TSHR: variants seen among roughly 807,000 people sequenced by gnomAD.
TSHR encodes the protein thyrotropin receptor.
In TSHR, 51 loss-of-function variants were observed where a neutral mutation model predicts 64.1. The observed-to-expected ratio is 0.80, with a 90% CI of 0.64 to 1.01. TSHR has a LOEUF of 1.01. Ranked by LOEUF, TSHR falls within the 50% of genes least tolerant of loss-of-function variation. The probability of loss-of-function intolerance (pLI) is 0.00; values close to 1 mark genes in which losing one functional copy is unlikely to be tolerated. For missense variants in TSHR, 877 were observed against 942.8 expected (o/e 0.93, Z 0.91); for synonymous variants, 361 against 361.9 (o/e 1.00, Z 0.03).
At chr14:80,996,338 C>T (rs1414372418) in intron 1 of TSHR, among the ~76,000 whole-genome samples, 1 of 152,058 alleles carries the variant, frequency 6.6e-6, no homozygotes, top group Non-Finnish European at 1.5e-5. Flanking sequence ...TTTGGATTAC[C>T]TTTAAATGAG....
At chr14:80,978,094 A>AACACACACACAC (rs60697218) in intron 1 of TSHR, among the ~76,000 whole-genome samples, 1 of 146,386 alleles carries the variant, frequency 6.8e-6, no homozygotes, top group Non-Finnish European at 1.5e-5. Context: ...ACATCCCTCC[A>AACACACACACAC]ACACACACAC....
At chr14:80,977,812 G>C (rs947642256) in intron 1 of TSHR, among the ~76,000 whole-genome samples, 16 of 152,148 alleles carry the variant, frequency 1.1e-4, no homozygotes, top group African/African-American at 3.6e-4. Context: ...TCAATTCAAT[G>C]AATAAATCAC....
rs188407525 is a variant in TSHR at position 80,964,628 on chromosome 14, A to G, written c.170+8778A>G. On this transcript the variant is annotated intron_variant, in intron 1 of 9. Transcript: ENST00000298171. ...TCTTAGGAATCTGTGGTTGTGTGAA[A>G]ATTTGTCCCCATCAGTGCATTTCTG... Among the ~76,000 whole-genome samples, 83 of 152,246 alleles carry G rather than the reference A, an allele frequency of 5.5e-4. 1 individual carries two copies. The highest frequency in any genetic ancestry group is 1.5e-3 in the Admixed American group (23 of 15,286).
chr14:81,073,018 ATAAATATAT>A lies in TSHR; in HGVS notation c.317+4691_317+4699del, dbSNP rs1458300737. 6.1e-5 allele frequency among the ~76,000 whole-genome samples: 3 copies of A among 49,578 alleles called. 1 individual carries two copies. The highest frequency in any genetic ancestry group is 1.0e-4 in the Non-Finnish European group (3 of 28,664). 32.5% of individuals were successfully genotyped at this position (49,578 alleles called of 152,430 possible). A position where few individuals can be genotyped will look rare whatever the true frequency, so the allele number is the denominator to read the frequency against. ...TCTCAAAAAAAAAAAAAAATAAAAA[ATAAATATAT>A]ATATATATATATATATATATATAAA... On this transcript the variant is annotated intron_variant, in intron 3 of 9. Coordinates refer to ENST00000298171, the MANE Select transcript of TSHR (RefSeq NM_000369.5).
intron 1 of TSHR, among the ~76,000 whole-genome samples, chr14:81,027,672 A>G (rs1884141148): frequency 6.6e-6 from 1 of 152,198 alleles, no homozygotes. Context: ...CGTAGGGGAA[A>G]AAAACCTACA....
chr14:81,092,693 T>C lies in TSHR; in HGVS notation c.545+85T>C, dbSNP rs1888848032. Reference sequence around the variant, plus strand: ...ATGTTTACAGACCATCCAAGAGCCATACTGCCTTATCATATATACTCTATA... The same window carrying C: ...ATGTTTACAGACCATCCAAGAGCCACACTGCCTTATCATATATACTCTATA... On this transcript the variant is annotated intron_variant, in intron 6 of 9. Transcript: ENST00000298171. The C allele has an allele frequency of 3.3e-6, 4 of 1,218,278 alleles. No homozygotes were observed. In the South Asian group the frequency reaches 4.8e-5, roughly 15 times the overall value. The allele number at this position is 1,218,278 out of a possible 1,614,324, so 75.5% of individuals were successfully genotyped here. A position where few individuals can be genotyped will look rare whatever the true frequency, so the allele number is the denominator to read the frequency against.
intron 2 of TSHR, 146 bp downstream of exon 2, chr14:81,062,365 AT>A (rs1198572723): frequency 3.3e-6 from 2 of 602,838 alleles, no homozygotes; most frequent in African/African-American, 1.9e-5. Flanking sequence ...TATGTACATG[AT>A]TTTTATTTCA....
At chr14:81,139,600 T>C in intron 8 of TSHR, 79 bp from the exon 9 acceptor site, 3 of 1,455,834 alleles carry the variant, frequency 2.1e-6, no homozygotes, top group Non-Finnish European at 2.9e-6. Flanking sequence ...ACCTCAGGCC[T>C]GTTTGAGTTT....
At chr14:80,977,404 A>G (rs1887935512) in intron 1 of TSHR, among the ~76,000 whole-genome samples, 1 of 152,192 alleles carries the variant, frequency 6.6e-6, no homozygotes, top group Admixed American at 6.5e-5. Flanking sequence ...AGTCTGCCTG[A>G]CATTCTGACT....
At chr14:81,047,454 T>C (rs751327954) in intron 1 of TSHR, among the ~76,000 whole-genome samples, 3 of 152,130 alleles carry the variant, frequency 2.0e-5, no homozygotes, top group Non-Finnish European at 4.4e-5. Context: ...GGATTGAAAA[T>C]GCCTTAAGAC....
chr14:81,099,770 C>T (rs928142720), intron 7 of TSHR, among the ~76,000 whole-genome samples: 10 of 152,160 alleles, frequency 6.6e-5, no homozygotes, highest in Admixed American at 1.3e-4. Context: ...ACTTAGTTTA[C>T]GTATATTGAC....
intron 1 of TSHR, among the ~76,000 whole-genome samples, chr14:81,017,619 G>A (rs1305813497): frequency 6.6e-6 from 1 of 152,120 alleles, no homozygotes. Flanking sequence ...TGGGAATGGG[G>A]TCTGAGAAGA....
At chr14:81,102,765 TA>T in intron 7 of TSHR, 1 of 984,780 alleles carries the variant, frequency 1.0e-6, no homozygotes, top group Non-Finnish European at 1.2e-6. Context: ...GACCTCTGGA[TA>T]AAAGTATTCA....
intron 8 of TSHR, among the ~76,000 whole-genome samples, chr14:81,134,205 G>A (rs1341595054): frequency 2.6e-5 from 4 of 151,738 alleles, no homozygotes; most frequent in African/African-American, 4.8e-5. Context: ...GTGCAATCTC[G>A]GCTCACCACG....
At chr14:81,054,028 G>C (rs1885597402) in intron 1 of TSHR, among the ~76,000 whole-genome samples, 1 of 152,158 alleles carries the variant, frequency 6.6e-6, no homozygotes, top group Non-Finnish European at 1.5e-5. Flanking sequence ...AGAAGAGCAG[G>C]ATTGCTGATA....
chr14:81,065,855 G>A (rs561712367), intron 2 of TSHR, among the ~76,000 whole-genome samples: 5 of 152,186 alleles, frequency 3.3e-5, no homozygotes, highest in Non-Finnish European at 7.4e-5. Flanking sequence ...GATGATGCTA[G>A]GTTTGTCTGA....
At chr14:81,049,606 C>T (rs1378316235) in intron 1 of TSHR, 1 of 152,172 alleles carries the variant, frequency 6.6e-6, no homozygotes, top group Non-Finnish European at 1.5e-5. Context: ...CTTTTATTTA[C>T]ATACCAAGTA....
intron 1 of TSHR, among the ~76,000 whole-genome samples, chr14:81,004,769 T>G (rs1889509025): frequency 1.3e-5 from 2 of 152,212 alleles, no homozygotes; most frequent in Non-Finnish European, 1.5e-5. Context: ...ACTCTTTGAT[T>G]TGCTGACTCA....
At chr14:81,001,801 T>C (rs538265078) in intron 1 of TSHR, 2 of 328,242 alleles carry the variant, frequency 6.1e-6, no homozygotes, top group East Asian at 1.6e-4. Flanking sequence ...AAAACTATTT[T>C]CACAGATCAC....
Sources: allele counts gnomAD v4.1 joint callset (sites outside exome capture counted in the v4.1 genomes callset), GRCh38; gene constraint gnomAD v4.1.1; transcripts MANE v1.5; gene names NCBI Gene and HGNC (gene_info 2026-07-23, HGNC 2026-07-21).